BMP8B: variants seen among roughly 807,000 people sequenced by gnomAD.
The protein encoded by BMP8B is bone morphogenetic protein 8b.
In BMP8B, 17 loss-of-function variants were observed where a neutral mutation model predicts 30.3. That is an observed-to-expected ratio of 0.56 (90% CI 0.38 to 0.84). The LOEUF is 0.84. Among genes scored for constraint, BMP8B ranks in the 40% least tolerant of loss-of-function variants. The probability of loss-of-function intolerance (pLI) is 0.00; values close to 1 mark genes in which losing one functional copy is unlikely to be tolerated. For missense variants in BMP8B, 253 were observed against 494.6 expected, an observed-to-expected ratio of 0.51 and a Z score of 4.63; for synonymous variants, 131 against 214.7, an observed-to-expected ratio of 0.61 and a Z score of 3.41.
chr1:39,759,193 C>T lies in BMP8B; in HGVS notation c.*1226G>A, dbSNP rs1648620345. ...ACAGCAGAGGCTGAGACAAACCTCTCCACCCAACTCAGCCTAATTACTACT... is the reference window on the plus strand; with the variant it reads ...ACAGCAGAGGCTGAGACAAACCTCTTCACCCAACTCAGCCTAATTACTACT... On this transcript the variant is annotated 3_prime_UTR_variant, in exon 7 of 7. Transcript: ENST00000372827. The T allele has an allele frequency of 6.6e-6, 1 of 152,314 alleles. No individual in the cohort carries two copies. The highest frequency in any genetic ancestry group is 1.5e-5 in the Non-Finnish European group (1 of 68,110). The allele number at this position is 152,314 out of a possible 1,614,324, so 9.4% of individuals were successfully genotyped here. A position where few individuals can be genotyped will look rare whatever the true frequency, so the allele number is the denominator to read the frequency against.
intron 1 of BMP8B, among the ~76,000 whole-genome samples, chr1:39,785,794 G>A (rs940746058): frequency 1.3e-5 from 2 of 152,166 alleles, no homozygotes; most frequent in African/African-American, 4.8e-5. Flanking sequence ...ATCCTGGTAT[G>A]TGTCTAATCC....
chr1:39,776,552 C>A (rs897447437), intron 1 of BMP8B, among the ~76,000 whole-genome samples: 8 of 152,252 alleles, frequency 5.3e-5, no homozygotes, highest in Middle Eastern at 3.4e-3. Flanking sequence ...GGACCTGGTC[C>A]GGCCATGGGC....
intron 6 of BMP8B, chr1:39,762,350 G>T: frequency 1.1e-6 from 1 of 885,694 alleles, no homozygotes; most frequent in Non-Finnish European, 1.7e-6. Flanking sequence ...AGGCATCACC[G>T]TTGAACCTCC....
At chr1:39,781,603 C>T (rs192345058) in intron 1 of BMP8B, among the ~76,000 whole-genome samples, 8 of 152,250 alleles carry the variant, frequency 5.3e-5, no homozygotes, top group Non-Finnish European at 8.8e-5. Context: ...GACACTGGGT[C>T]GGAAAGTTTA....
In BMP8B at chr1:39,788,110, C is replaced by T. The variant is rs1651122232; in HGVS notation, c.334+42G>A. 4 of 1,510,564 alleles carry T rather than the reference C, an allele frequency of 2.6e-6. No individual in the cohort carries two copies. In the East Asian group the frequency reaches 7.6e-5, roughly 29 times the overall value. 93.6% of individuals were successfully genotyped at this position (1,510,564 alleles called of 1,614,324 possible). A position where few individuals can be genotyped will look rare whatever the true frequency, so the allele number is the denominator to read the frequency against. ...GCGGATGCGCGCCCCTCCCCTGCAG[C>T]CAGCTTACTCCGAGGGTCCCCGCGC... is the stretch of plus-strand genomic sequence containing the variant. On this transcript the variant is annotated intron_variant, in intron 1 of 6. Coordinates refer to ENST00000372827, the MANE Select transcript of BMP8B (RefSeq NM_001720.5). The surrounding 1 kb of genome is among the most constrained non-coding windows in gnomAD (Gnocchi z 5.8).
Position 39,788,463 on chromosome 1 carries a change from A to T in BMP8B, c.23T>A (p.Leu8His). The change falls in exon 1 of 7, where the codon CTC becomes CAC. Residue 8 changes from leucine to histidine, a missense_variant. Transcript: ENST00000372827. The surrounding 1 kb of genome is among the most constrained non-coding windows in gnomAD (Gnocchi z 5.8). ...GCATAGCGCCAGGCCCAGGAGCCAGAGCGGGCCGGGGAGCGCGGTCATGGC... is the reference window on the plus strand; with the variant it reads ...GCATAGCGCCAGGCCCAGGAGCCAGTGCGGGCCGGGGAGCGCGGTCATGGC... MTALPGP[L>H]WLLGLALCAL... 9.7e-7 allele frequency: 1 copy of T among 1,026,218 alleles called. No individual in the cohort carries two copies. The highest frequency in any genetic ancestry group is 1.2e-6 in the Non-Finnish European group (1 of 858,180). The allele number at this position is 1,026,218 out of a possible 1,614,324, so 63.6% of individuals were successfully genotyped here.
intron 1 of BMP8B, among the ~76,000 whole-genome samples, chr1:39,787,578 T>A (rs1042465349): frequency 6.6e-6 from 1 of 152,004 alleles, no homozygotes; most frequent in Non-Finnish European, 1.5e-5. Flanking sequence ...ATCCCAGGTG[T>A]TGGGCCCAGG....
At chr1:39,770,315 A>G in intron 3 of BMP8B, 1 of 1,586,330 alleles carries the variant, frequency 6.3e-7, no homozygotes, top group Non-Finnish European at 8.5e-7. Flanking sequence ...ATTGGCGTAC[A>G]TGCCGTCCTC....
intron 1 of BMP8B, among the ~76,000 whole-genome samples, chr1:39,780,619 C>T (rs1251139007): frequency 2.0e-5 from 3 of 152,246 alleles, no homozygotes; most frequent in Non-Finnish European, 2.9e-5. Flanking sequence ...AGGCCAGGCG[C>T]AGTGGCTCAC....
chr1:39,777,060 G>C (rs1184428692), intron 1 of BMP8B, among the ~76,000 whole-genome samples: 1 of 152,220 alleles, frequency 6.6e-6, no homozygotes, highest in Non-Finnish European at 1.5e-5. Flanking sequence ...ATTAAGATCA[G>C]ACATGAACAT....
At chr1:39,776,622 G>T (rs1182007267) in intron 1 of BMP8B, among the ~76,000 whole-genome samples, 1 of 152,204 alleles carries the variant, frequency 6.6e-6, no homozygotes, top group African/African-American at 2.4e-5. Context: ...GGAGGAGGTG[G>T]CCGCTCATCC....
chr1:39,788,276 G>A lies in BMP8B; in HGVS notation c.210C>T (p.Pro70=). The A allele has an allele frequency of 7.4e-7, 1 of 1,358,274 alleles. No individual in the cohort carries two copies. Among genetic ancestry groups the A allele is most frequent in the Non-Finnish European group, 9.4e-7 (1 of 1,061,876 alleles). 84.1% of individuals were successfully genotyped at this position (1,358,274 alleles called of 1,614,324 possible). A position where few individuals can be genotyped will look rare whatever the true frequency, so the allele number is the denominator to read the frequency against. ...PRAPPAASRL[P]ASAPLFMLDL... ...CCAGCATGAAGAGCGGCGCGGACGC[G>A]GGCAGCCGGGAGGCGGCGGGTGGCG... The change falls in exon 1 of 7, where the codon CCC becomes CCT. Residue 70 remains proline (P), a synonymous_variant. Transcript: ENST00000372827. The surrounding 1 kb of genome is among the most constrained non-coding windows in gnomAD (Gnocchi z 5.8).
chr1:39,760,818 TA>T (rs1394350460), intron 6 of BMP8B, among the ~76,000 whole-genome samples: 9 of 152,108 alleles, frequency 5.9e-5, no homozygotes, highest in Admixed American at 5.2e-4. Context: ...GGCAAGGCGC[TA>T]ATGAGGGGCC....
At chr1:39,771,035 A>T in intron 3 of BMP8B, 1 of 1,510,784 alleles carries the variant, frequency 6.6e-7, no homozygotes, top group Non-Finnish European at 8.9e-7. Context: ...CAGCGCGGCG[A>T]TCAGGTTCTC....
At chr1:39,787,166 G>T (rs1461306815) in intron 1 of BMP8B, among the ~76,000 whole-genome samples, 1 of 151,990 alleles carries the variant, frequency 6.6e-6, no homozygotes, top group Non-Finnish European at 1.5e-5. Context: ...TGAAGACCGT[G>T]GCTGTTATCA....
At chr1:39,771,486 G>A in intron 3 of BMP8B, 4 of 509,308 alleles carry the variant, frequency 7.9e-6, no homozygotes, top group Non-Finnish European at 1.3e-5. Flanking sequence ...GCACAGGCCC[G>A]GGCGCAGGAC....
intron 6 of BMP8B, among the ~76,000 whole-genome samples, chr1:39,762,074 C>T (rs1649072485): frequency 6.6e-6 from 1 of 152,224 alleles, no homozygotes; most frequent in Non-Finnish European, 1.5e-5. Flanking sequence ...CCCCACGCGT[C>T]CTCATCATCC....
chr1:39,779,764 G>A (rs533651088), intron 1 of BMP8B, among the ~76,000 whole-genome samples: 1 of 152,218 alleles, frequency 6.6e-6, no homozygotes, highest in Admixed American at 6.5e-5. Context: ...CACGTGGTAC[G>A]TCCTTTCTGT....
At chr1:39,764,150 C>G (rs534294835) in intron 4 of BMP8B, among the ~76,000 whole-genome samples, 1 of 152,344 alleles carries the variant, frequency 6.6e-6, no homozygotes, top group East Asian at 1.9e-4. Flanking sequence ...CACCCATTCC[C>G]GAGGTTCAAG....
Sources: allele counts gnomAD v4.1 joint callset (sites outside exome capture counted in the v4.1 genomes callset), GRCh38; gene constraint gnomAD v4.1.1; non-coding constraint Gnocchi (gnomAD v3.1); transcripts MANE v1.5; gene names NCBI Gene and HGNC (gene_info 2026-07-23, HGNC 2026-07-21).